The following PTPRA variants were observed in gnomAD, a reference collection of about 807,000 sequenced individuals.
PTPRA encodes the protein protein tyrosine phosphatase receptor type A.
Under a neutral mutation model 104.8 loss-of-function variants are expected in PTPRA, and 25 were observed. That is an observed-to-expected ratio of 0.24 (90% confidence interval 0.17 to 0.33). The LOEUF is 0.33. Among genes scored for constraint, PTPRA ranks in the 10% least tolerant of loss-of-function variants. The pLI is 1.00. For missense variants in PTPRA, 765 were observed against 1,015.3 expected, an observed-to-expected ratio of 0.75 and a Z score of 3.35; for synonymous variants, 323 against 368.9, an observed-to-expected ratio of 0.88 and a Z score of 1.43.
chr20:2,910,041 TATA>T (rs1225840125), intron 1 of PTPRA, among the ~76,000 whole-genome samples: 12 of 124,082 alleles, frequency 9.7e-5, no homozygotes, highest in Non-Finnish European at 1.6e-4. Context: ...TCATATCATA[TATA>T]ATATATATCA....
At chr20:2,954,531 C>G (rs2061468007) in intron 3 of PTPRA, among the ~76,000 whole-genome samples, 1 of 152,170 alleles carries the variant, frequency 6.6e-6, no homozygotes, top group South Asian at 2.1e-4. Flanking sequence ...CCCCTTTGCC[C>G]ATTTTAAAAA....
chr20:2,877,493 A>G (rs536217575), intron 1 of PTPRA, among the ~76,000 whole-genome samples: 1 of 152,324 alleles, frequency 6.6e-6, no homozygotes, highest in Non-Finnish European at 1.5e-5. Flanking sequence ...TCCTGACCTC[A>G]GGTGATCCGC....
chr20:2,897,073 C>T (rs1001985462), intron 1 of PTPRA, among the ~76,000 whole-genome samples: 1 of 152,160 alleles, frequency 6.6e-6, no homozygotes, highest in African/African-American at 2.4e-5. Context: ...CTCACTGCAT[C>T]GTATCAAGAG....
chr20:2,896,238 G>A (rs1456868020), intron 1 of PTPRA, among the ~76,000 whole-genome samples: 1 of 152,086 alleles, frequency 6.6e-6, no homozygotes, highest in Non-Finnish European at 1.5e-5. Flanking sequence ...ATTTAGCCGG[G>A]CATGGTGGTG....
At chr20:2,939,976 G>C (rs2060847537) in intron 2 of PTPRA, among the ~76,000 whole-genome samples, 1 of 152,238 alleles carries the variant, frequency 6.6e-6, no homozygotes, top group South Asian at 2.1e-4. Flanking sequence ...CGGGCATGGT[G>C]GGGGACGCCT....
rs948940898 is a variant in PTPRA, at chr20:2,873,488, G to C, written c.-401G>C. 1 of 152,090 alleles carries C rather than the reference G, an allele frequency of 6.6e-6. No individual in the cohort carries two copies. The highest frequency in any genetic ancestry group is 1.5e-5 in the Non-Finnish European group (1 of 67,974). The allele number at this position is 152,090 out of a possible 1,614,324, so 9.4% of individuals were successfully genotyped here. The stretch of plus-strand genomic sequence containing the variant: ...CGTCTTACAGCCAAGGCCGGGTCGG[G>C]AGCGAGGCTGCGGCGAGTGCGGCGC... On this transcript the variant is annotated 5_prime_UTR_variant, in exon 1 of 24. Coordinates refer to ENST00000399903, the MANE Select transcript of PTPRA (RefSeq NM_001385305.1). This position sits in a 1 kb window ranked among gnomAD's most constrained non-coding sequence, Gnocchi z 4.4.
chr20:2,977,665 T>C (rs1021456474), intron 6 of PTPRA, among the ~76,000 whole-genome samples: 1 of 151,642 alleles, frequency 6.6e-6, no homozygotes, highest in African/African-American at 2.4e-5. Flanking sequence ...AGGGCGGGGA[T>C]TATCATAGTG....
chr20:3,004,935 C>A, intron 9 of PTPRA, 121 bp from the exon 10 acceptor site: 1 of 844,530 alleles, frequency 1.2e-6, no homozygotes, highest in Non-Finnish European at 1.9e-6. Context: ...TTCACCTGGG[C>A]CCATGTTTTT....
At chr20:2,989,764 TC>T (rs762583089) in intron 9 of PTPRA, among the ~76,000 whole-genome samples, 2 of 152,158 alleles carry the variant, frequency 1.3e-5, no homozygotes, top group Non-Finnish European at 2.9e-5. Context: ...ACGCCTGTAA[TC>T]CCAGCACTTT....
At chr20:2,992,180 C>G (rs930124823) in intron 9 of PTPRA, among the ~76,000 whole-genome samples, 1 of 152,164 alleles carries the variant, frequency 6.6e-6, no homozygotes, top group Admixed American at 6.5e-5. Context: ...TAATGGGATT[C>G]TGCTGGGCAT....
chr20:3,038,156 C>A lies in PTPRA; in HGVS notation c.*23C>A. 6.3e-7 allele frequency: 1 copy of A among 1,577,270 alleles called. No individual in the cohort carries two copies. Among genetic ancestry groups the A allele is most frequent in the South Asian group, 1.1e-5 (1 of 90,174 alleles). ...TAAGCGGCAACAAGGGTCCGTGGAC[C>A]AGGAGGATTGCCTTTAATATTTTGT... On this transcript the variant is annotated 3_prime_UTR_variant, in exon 24 of 24. Coordinates refer to ENST00000399903, the MANE Select transcript of PTPRA (RefSeq NM_001385305.1).
chr20:2,928,113 C>T (rs887815730), intron 2 of PTPRA, among the ~76,000 whole-genome samples: 10 of 152,010 alleles, frequency 6.6e-5, no homozygotes, highest in African/African-American at 2.4e-4. Flanking sequence ...TTTCTGGTAT[C>T]CGTTTTTTGT....
rs2065859138 is a variant in PTPRA at position 3,037,535 on chromosome 20, T to G, written c.2334+246T>G. On this transcript the variant is annotated intron_variant, in intron 23 of 23. Transcript: ENST00000399903. The surrounding 1 kb of genome is among the most constrained non-coding windows in gnomAD (Gnocchi z 4.3). Reference sequence around the variant, plus strand: ...GGGGTGTCTGGGTGCCCCACAGGGCTCATCTGTACTTCTCTGTGGGTCTTG... The same window carrying G: ...GGGGTGTCTGGGTGCCCCACAGGGCGCATCTGTACTTCTCTGTGGGTCTTG... 6.6e-6 allele frequency among the ~76,000 whole-genome samples: 1 copy of G among 152,206 alleles called. No individual in the cohort carries two copies. The highest frequency in any genetic ancestry group is 2.4e-5 in the African/African-American group (1 of 41,462).
chr20:2,930,526 T>C (rs1344239573), intron 2 of PTPRA, among the ~76,000 whole-genome samples: 1 of 152,136 alleles, frequency 6.6e-6, no homozygotes, highest in Admixed American at 6.5e-5. Flanking sequence ...GTCTGGCAGT[T>C]CTGGAGGCCC....
chr20:2,874,104 A>G (rs1358506512), intron 1 of PTPRA, among the ~76,000 whole-genome samples: 1 of 152,160 alleles, frequency 6.6e-6, no homozygotes, highest in Non-Finnish European at 1.5e-5. Context: ...GGTCCATTTA[A>G]TGGGAGGAAA....
intron 2 of PTPRA, among the ~76,000 whole-genome samples, chr20:2,947,651 C>T (rs1328804798): frequency 6.6e-6 from 1 of 152,170 alleles, no homozygotes; most frequent in African/African-American, 2.4e-5. Context: ...CTCATGGACT[C>T]TTTCGTAGAG....
Position 2,923,211 on chromosome 20 carries a change from C to G in PTPRA, c.-124C>G. The G allele has an allele frequency of 2.5e-6, 3 of 1,211,732 alleles. No homozygotes were observed. Among genetic ancestry groups the G allele is most frequent in the Non-Finnish European group, 3.2e-6 (3 of 930,086 alleles). 75.1% of individuals were successfully genotyped at this position (1,211,732 alleles called of 1,614,324 possible). ...GTATTTTTCCTTTTGTTGCAGGTGA[C>G]ACAACTAAAAAAAAACAAAGGTATT... On this transcript the variant is annotated 5_prime_UTR_variant, in exon 2 of 24. Transcript: ENST00000399903.
At chr20:2,951,290 C>A (rs530527301) in intron 3 of PTPRA, among the ~76,000 whole-genome samples, 2 of 151,988 alleles carry the variant, frequency 1.3e-5, no homozygotes, top group Non-Finnish European at 2.9e-5. Context: ...TTAGTAGAGA[C>A]GGGGTTTCAC....
At position 2,947,970 on chromosome 20, in the gene PTPRA, C is replaced by CT; in HGVS notation, c.-49-5dup. 3.8e-6 allele frequency: 4 copies of CT among 1,061,312 alleles called. No individual in the cohort carries two copies. Among genetic ancestry groups the CT allele is most frequent in the Admixed American group, 2.5e-5 (1 of 40,806 alleles). The allele number at this position is 1,061,312 out of a possible 1,614,324, so 65.7% of individuals were successfully genotyped here. On this transcript the variant is annotated splice_polypyrimidine_tract_variant and intron_variant, in intron 2 of 23. Transcript: ENST00000399903. ...ACTCCTAATTAACTGTTTTTTATTTCTTTTTTTCTAGGACACATGTTCAAA... is the reference window on the plus strand; with the variant it reads ...ACTCCTAATTAACTGTTTTTTATTTCTTTTTTTTCTAGGACACATGTTCAAA...
Sources: gnomAD v4.1 joint callset for allele counts (sites outside exome capture counted in the v4.1 genomes callset) on GRCh38, gnomAD v4.1.1 for gene constraint, Gnocchi (gnomAD v3.1) non-coding constraint, MANE v1.5 for transcripts, NCBI Gene and HGNC (gene_info 2026-07-23, HGNC 2026-07-21) for gene names.